ADAM10: variants seen among roughly 807,000 people sequenced by gnomAD.
ADAM10 encodes disintegrin and metalloproteinase domain-containing protein 10.
ADAM10 carries 17 observed loss-of-function variants against 90.1 expected under a neutral mutation model. That is an observed-to-expected ratio of 0.19 (90% CI 0.13 to 0.28). The LOEUF is 0.28. ADAM10 is among the 10% of genes least tolerant of loss of function. The pLI, the probability that ADAM10 is intolerant of heterozygous loss-of-function variation, is 1.00. For synonymous variants in ADAM10, 310 were observed against 298.6 expected (o/e 1.04, Z -0.40); for missense variants, 610 against 914.3 (o/e 0.67, Z 4.29).
intron 11 of ADAM10, among the ~76,000 whole-genome samples, chr15:58,613,737 T>C (rs2141000880): frequency 6.6e-6 from 1 of 152,196 alleles, no homozygotes; most frequent in South Asian, 2.1e-4. Flanking sequence ...TGTTTGAAAT[T>C]ACTCATTTAG....
chr15:58,718,911 T>G (rs1328393348), intron 1 of ADAM10, among the ~76,000 whole-genome samples: 2 of 152,166 alleles, frequency 1.3e-5, no homozygotes, highest in African/African-American at 4.8e-5. Context: ...CTACCTAGGT[T>G]CCCTCTCATA....
intron 11 of ADAM10, among the ~76,000 whole-genome samples, chr15:58,617,105 T>G (rs1468156663): frequency 6.6e-6 from 1 of 151,094 alleles, no homozygotes; most frequent in Non-Finnish European, 1.5e-5. Flanking sequence ...TGAGACTCCG[T>G]CTCAAAAAAT....
chr15:58,724,186 A>G (rs1318345839), intron 1 of ADAM10, among the ~76,000 whole-genome samples: 2 of 152,118 alleles, frequency 1.3e-5, no homozygotes, highest in Non-Finnish European at 2.9e-5. Flanking sequence ...CAAAAAAAAA[A>G]AAAGAAAGAA....
intron 14 of ADAM10, chr15:58,609,135 T>C (rs1895363490): frequency 6.6e-6 from 1 of 152,196 alleles, no homozygotes; most frequent in Non-Finnish European, 1.5e-5. Flanking sequence ...ATGTGCTCTT[T>C]CCACTGCACC....
intron 1 of ADAM10, among the ~76,000 whole-genome samples, chr15:58,726,890 AGGAGGGGAGG>A (rs577917789): frequency 7.4e-6 from 1 of 134,800 alleles, no homozygotes; most frequent in Non-Finnish European, 1.6e-5. Context: ...GGGAGGGGAG[AGGAGGGGAGG>A]GGAGGGGAGG....
chr15:58,628,470 C>A (rs1251696655), intron 9 of ADAM10, among the ~76,000 whole-genome samples: 3 of 152,166 alleles, frequency 2.0e-5, no homozygotes, highest in African/African-American at 7.2e-5. Flanking sequence ...AACCAAAATA[C>A]TGCTTTGCCA....
chr15:58,736,378 G>A (rs1899430160), intron 1 of ADAM10, among the ~76,000 whole-genome samples: 1 of 152,062 alleles, frequency 6.6e-6, no homozygotes, highest in Admixed American at 6.6e-5. Flanking sequence ...ACAGTCACAT[G>A]GTACTTAATA....
At chr15:58,608,496 T>C (rs1308794615) in intron 14 of ADAM10, among the ~76,000 whole-genome samples, 1 of 152,192 alleles carries the variant, frequency 6.6e-6, no homozygotes, top group Non-Finnish European at 1.5e-5. Flanking sequence ...ACCAACAGCC[T>C]AGCGGTACTC....
chr15:58,681,391 T>C (rs1482249525), intron 3 of ADAM10, among the ~76,000 whole-genome samples: 2 of 152,234 alleles, frequency 1.3e-5, no homozygotes, highest in Admixed American at 6.5e-5. Context: ...CTCATTTATC[T>C]GGCACAATCG....
At chr15:58,728,628 G>C (rs1899120982) in intron 1 of ADAM10, among the ~76,000 whole-genome samples, 1 of 151,824 alleles carries the variant, frequency 6.6e-6, no homozygotes, top group Non-Finnish European at 1.5e-5. Context: ...AAAGTGGTAG[G>C]TATATGGGTT....
At chr15:58,664,476 G>T (rs1897033871) in intron 5 of ADAM10, among the ~76,000 whole-genome samples, 1 of 151,998 alleles carries the variant, frequency 6.6e-6, no homozygotes, top group Non-Finnish European at 1.5e-5. Context: ...CCATTTTACA[G>T]ATCAAAGAAT....
chr15:58,602,134 G>C (rs1213520081), intron 14 of ADAM10, among the ~76,000 whole-genome samples: 1 of 151,956 alleles, frequency 6.6e-6, no homozygotes, highest in East Asian at 1.9e-4. Flanking sequence ...ATTCCCTCAT[G>C]GTTTCCTATT....
chr15:58,712,893 A>T (rs1898522611), intron 2 of ADAM10, among the ~76,000 whole-genome samples: 1 of 152,136 alleles, frequency 6.6e-6, no homozygotes, highest in African/African-American at 2.4e-5. Flanking sequence ...GGAAATTACA[A>T]GACAGTCCCT....
chr15:58,657,972 T>C (rs1443442504), intron 5 of ADAM10, among the ~76,000 whole-genome samples: 7 of 152,172 alleles, frequency 4.6e-5, no homozygotes, highest in Middle Eastern at 3.4e-3. Context: ...GTGGACATTT[T>C]CTCAGTCTGT....
chr15:58,630,148 A>C (rs2140669965), intron 9 of ADAM10, among the ~76,000 whole-genome samples: 1 of 152,284 alleles, frequency 6.6e-6, no homozygotes, highest in Middle Eastern at 3.4e-3. Flanking sequence ...TTGGTATTTA[A>C]ATGACTGCAG....
At chr15:58,641,149 A>G (rs1351882168) in intron 7 of ADAM10, among the ~76,000 whole-genome samples, 189 bp from the exon 8 acceptor site, 1 of 152,234 alleles carries the variant, frequency 6.6e-6, no homozygotes, top group African/African-American at 2.4e-5. Context: ...AACAATAACA[A>G]CAAATAAAAA....
chr15:58,645,261 A>C (rs1156244347), intron 6 of ADAM10, among the ~76,000 whole-genome samples: 1 of 152,154 alleles, frequency 6.6e-6, no homozygotes, highest in Non-Finnish European at 1.5e-5. Context: ...CTTGAAATTT[A>C]TTTGTTCCTT....
At chr15:58,653,811 G>A (rs1896745631) in intron 5 of ADAM10, among the ~76,000 whole-genome samples, 1 of 152,054 alleles carries the variant, frequency 6.6e-6, no homozygotes, top group Admixed American at 6.6e-5. Context: ...TAAATATTTG[G>A]TAGAATTCAA....
At chr15:58,599,574 T>A (rs200630085) in intron 15 of ADAM10, 24 bp downstream of exon 15, 1 of 1,611,452 alleles carries the variant, frequency 6.2e-7, no homozygotes. Flanking sequence ...TACATAAATA[T>A]GTATCTTGCT....
Sources: allele counts gnomAD v4.1 joint callset (sites outside exome capture counted in the v4.1 genomes callset), GRCh38; gene constraint gnomAD v4.1.1; transcripts MANE v1.5; gene names NCBI Gene and HGNC (gene_info 2026-07-23, HGNC 2026-07-21).